The following MS4A4A variants were observed in gnomAD, a reference collection of about 807,000 sequenced individuals.
MS4A4A encodes membrane spanning 4-domains A4A.
Under a neutral mutation model 28.0 loss-of-function variants are expected in MS4A4A, and 26 were observed. That is an observed-to-expected ratio of 0.93 (90% CI 0.68 to 1.29). The LOEUF (loss-of-function observed/expected upper bound fraction) is 1.29. Among genes scored for constraint, MS4A4A ranks in the 50% most tolerant of loss-of-function variants. The probability of loss-of-function intolerance (pLI) is 0.00; values close to 1 mark genes in which losing one functional copy is unlikely to be tolerated. For missense variants in MS4A4A, 290 were observed against 293.1 expected (o/e 0.99, Z 0.08); for synonymous variants, 86 against 100.8 (o/e 0.85, Z 0.88).
chr11:60,284,355 A>G (rs1397446284), intron 1 of MS4A4A, among the ~76,000 whole-genome samples: 1 of 152,242 alleles, frequency 6.6e-6, no homozygotes, highest in African/African-American at 2.4e-5. Context: ...GGCTTGAAGT[A>G]TAAAACATAA....
chr11:60,295,365 T>C (rs2135022310), intron 2 of MS4A4A, among the ~76,000 whole-genome samples: 1 of 152,194 alleles, frequency 6.6e-6, no homozygotes. Context: ...CCTAATATAA[T>C]TGTTTGTTAG....
chr11:60,282,063 T>G (rs1260167561), intron 1 of MS4A4A, among the ~76,000 whole-genome samples: 1 of 152,214 alleles, frequency 6.6e-6, no homozygotes, highest in Non-Finnish European at 1.5e-5. Context: ...TATGAATTTA[T>G]GGCCAGAGTT....
At chr11:60,293,181 C>A (rs1004966651) in intron 2 of MS4A4A, among the ~76,000 whole-genome samples, 1 of 152,112 alleles carries the variant, frequency 6.6e-6, no homozygotes, top group African/African-American at 2.4e-5. Flanking sequence ...CCTCAGCCTC[C>A]TGAGTAGTTG....
chr11:60,290,375 T>C (rs778139772), intron 1 of MS4A4A: 1 of 153,098 alleles, frequency 6.5e-6, no homozygotes, highest in African/African-American at 2.4e-5. Flanking sequence ...ATGTAATCTT[T>C]GTTTCTAACA....
intron 4 of MS4A4A, 50 bp from the exon 5 acceptor site, chr11:60,302,509 A>G (rs771066938): frequency 6.4e-7 from 1 of 1,572,474 alleles, no homozygotes; most frequent in Non-Finnish European, 8.7e-7. Flanking sequence ...TCATGGAGAT[A>G]TATCTGAGGA....
intron 2 of MS4A4A, chr11:60,296,931 G>C (rs2084910573): frequency 2.6e-6 from 1 of 383,024 alleles, no homozygotes; most frequent in Non-Finnish European, 4.8e-6. Flanking sequence ...TAACATCGTA[G>C]GTATCAGAAA....
At chr11:60,304,877 C>T (rs990725787) in intron 5 of MS4A4A, among the ~76,000 whole-genome samples, 2 of 152,204 alleles carry the variant, frequency 1.3e-5, no homozygotes, top group Non-Finnish European at 2.9e-5. Flanking sequence ...TTGTTTGCTG[C>T]TCTATCTTCT....
chr11:60,289,574 A>AGTGTGT (rs747454290), intron 1 of MS4A4A, among the ~76,000 whole-genome samples: 1 of 131,076 alleles, frequency 7.6e-6, no homozygotes, highest in African/African-American at 2.8e-5. Context: ...TGTTTTGGGG[A>AGTGTGT]GTGTGTGTGT....
At chr11:60,287,880 A>G (rs1423699112) in intron 1 of MS4A4A, among the ~76,000 whole-genome samples, 1 of 152,232 alleles carries the variant, frequency 6.6e-6, no homozygotes, top group Admixed American at 6.5e-5. Flanking sequence ...AACCCAACCA[A>G]GAAAACAGCA....
At chr11:60,285,642 CA>C (rs2084797168) in intron 1 of MS4A4A, among the ~76,000 whole-genome samples, 1 of 152,118 alleles carries the variant, frequency 6.6e-6, no homozygotes, top group African/African-American at 2.4e-5. Context: ...TATCAGCAGG[CA>C]CCGTGATGCC....
At chr11:60,302,831 G>T in intron 5 of MS4A4A, 114 bp downstream of exon 5, 1 of 997,334 alleles carries the variant, frequency 1.0e-6, no homozygotes. Flanking sequence ...TTGGGAAGTT[G>T]GAGTGATTGA....
intron 2 of MS4A4A, 124 bp downstream of exon 2, chr11:60,292,508 T>C: frequency 4.1e-6 from 4 of 964,562 alleles, no homozygotes; most frequent in Non-Finnish European, 4.3e-6. Flanking sequence ...CGTCAGTAAT[T>C]ACTTTTCAGG....
chr11:60,296,947 C>T (rs2084910673), intron 2 of MS4A4A: 4 of 420,838 alleles, frequency 9.5e-6, no homozygotes, highest in South Asian at 7.2e-5. Flanking sequence ...AGAAAAGCAC[C>T]TCTGGGCTGG....
intron 3 of MS4A4A, among the ~76,000 whole-genome samples, chr11:60,298,903 T>A (rs2084927404): frequency 6.6e-6 from 1 of 152,246 alleles, no homozygotes; most frequent in East Asian, 1.9e-4. Context: ...ACCTCTTCTA[T>A]GAAGTGCCTC....
At chr11:60,300,920 A>G (rs1337792140) in intron 3 of MS4A4A, 81 bp from the exon 4 acceptor site, 2 of 971,380 alleles carry the variant, frequency 2.1e-6, no homozygotes, top group Non-Finnish European at 3.1e-6. Context: ...ATATCTATCT[A>G]ATTTAGAATT....
chr11:60,282,205 A>T (rs547036516), intron 1 of MS4A4A, among the ~76,000 whole-genome samples: 16 of 152,230 alleles, frequency 1.1e-4, no homozygotes, highest in Non-Finnish European at 1.9e-4. Context: ...GGAAGCTTAC[A>T]GTCTTACCAG....
At chr11:60,282,610 T>A (rs2084764448) in intron 1 of MS4A4A, 1 of 1,284,782 alleles carries the variant, frequency 7.8e-7, no homozygotes, top group Admixed American at 2.4e-5. Context: ...ACAAGAGGGG[T>A]GGAACATTCC....
intron 2 of MS4A4A, among the ~76,000 whole-genome samples, chr11:60,295,323 CTT>C (rs2084896246): frequency 6.6e-6 from 1 of 151,984 alleles, no homozygotes; most frequent in Admixed American, 6.5e-5. Flanking sequence ...GTAATTGTCT[CTT>C]GTGTATTAAT....
chr11:60,294,028 C>T (rs1306667905), intron 2 of MS4A4A, among the ~76,000 whole-genome samples: 1 of 152,196 alleles, frequency 6.6e-6, no homozygotes, highest in Non-Finnish European at 1.5e-5. Context: ...TTGTAAGAAA[C>T]TGCCATACTG....
Sources: gnomAD v4.1 joint callset for allele counts (sites outside exome capture counted in the v4.1 genomes callset) on GRCh38, gnomAD v4.1.1 for gene constraint, MANE v1.5 for transcripts, NCBI Gene and HGNC (gene_info 2026-07-23, HGNC 2026-07-21) for gene names.